The following PDE4D variants were observed in gnomAD, a reference collection of about 807,000 sequenced individuals.
PDE4D encodes the protein 3',5'-cyclic-AMP phosphodiesterase 4D.
In PDE4D, 24 loss-of-function variants were observed where a neutral mutation model predicts 87.4. The ratio of observed to expected loss-of-function variants is 0.27; its 90% CI spans 0.20 to 0.39. The LOEUF (loss-of-function observed/expected upper bound fraction) is 0.39, where lower values mean the gene tolerates loss of function less well. Among genes scored for constraint, PDE4D ranks in the 10% least tolerant of loss-of-function variants. PDE4D has a pLI of 1.00. For missense variants in PDE4D, 714 were observed against 1,041.0 expected (o/e 0.69, Z 4.32); for synonymous variants, 384 against 383.2 (o/e 1.00, Z -0.02).
chr5:60,340,163 GAT>G (rs371658542), intron 1 of PDE4D, among the ~76,000 whole-genome samples: 8,097 of 152,240 alleles, frequency 0.053, 266 homozygotes, highest in Non-Finnish European at 0.075. Flanking sequence ...CCCACGGCGC[GAT>G]GTTCAGGGAA....
intron 3 of PDE4D, among the ~76,000 whole-genome samples, chr5:59,935,899 T>C (rs2152793685): frequency 6.6e-6 from 1 of 152,362 alleles, no homozygotes; most frequent in Non-Finnish European, 1.5e-5. Context: ...CTATTGTGAA[T>C]AGTGCCACAA....
chr5:60,177,504 A>G (rs1382338016), intron 2 of PDE4D, among the ~76,000 whole-genome samples: 1 of 152,154 alleles, frequency 6.6e-6, no homozygotes, highest in East Asian at 1.9e-4. Context: ...TCTTAGAGGC[A>G]ATGAATGTCC....
Position 59,923,496 on chromosome 5 carries a change from G to C in PDE4D, c.272+64992C>G, listed in dbSNP as rs571647908. Among the ~76,000 whole-genome samples, 7 of 143,594 alleles carry C rather than the reference G, an allele frequency of 4.9e-5. No individual in the cohort carries two copies. The East Asian group carries it at 1.4e-3, about 28-fold the overall frequency. The allele number at this position is 143,594 out of a possible 152,430, so 94.2% of individuals were successfully genotyped here. On this transcript the variant is annotated intron_variant, in intron 3 of 16. Coordinates refer to the PDE4D transcript ENST00000502484. ...TAGTGTCACCCCTCCCCAAGCTCCA[G>C]GTAGCTCAAGACAGAGAGAGAGACA...
intron 1 of PDE4D, among the ~76,000 whole-genome samples, chr5:60,383,991 A>G (rs1411954456): frequency 1.3e-5 from 2 of 152,190 alleles, no homozygotes; most frequent in African/African-American, 4.8e-5. Context: ...AACTCTACAG[A>G]CCAGATTCTT....
At chr5:59,792,027 AAGT>A (rs1765851642) in intron 1 of PDE4D, among the ~76,000 whole-genome samples, 1 of 152,254 alleles carries the variant, frequency 6.6e-6, no homozygotes, top group South Asian at 2.1e-4. Context: ...GAAACACAAT[AAGT>A]GAAAATAGAA....
chr5:60,237,624 G>A (rs749366142), intron 1 of PDE4D, among the ~76,000 whole-genome samples: 4 of 152,020 alleles, frequency 2.6e-5, no homozygotes, highest in Non-Finnish European at 5.9e-5. Context: ...TGGTGGCAAA[G>A]GAGTGTGGCT....
intron 3 of PDE4D, among the ~76,000 whole-genome samples, chr5:59,979,986 T>C (rs1447143605): frequency 6.6e-6 from 1 of 152,226 alleles, no homozygotes; most frequent in Non-Finnish European, 1.5e-5. Flanking sequence ...TTAATGAATT[T>C]CAACTGAAAA....
At chr5:59,702,503 G>A (rs749625253) in intron 1 of PDE4D, among the ~76,000 whole-genome samples, 1 of 152,036 alleles carries the variant, frequency 6.6e-6, no homozygotes, top group Non-Finnish European at 1.5e-5. Context: ...TCAGTGAGCC[G>A]TGATCATGCA....
At chr5:59,132,401 G>T (rs184038903) in intron 5 of PDE4D, among the ~76,000 whole-genome samples, 2 of 152,040 alleles carry the variant, frequency 1.3e-5, no homozygotes, top group East Asian at 3.9e-4. Flanking sequence ...AGTTATCAGC[G>T]TATGTCATGA....
At chr5:60,410,495 C>T (rs937411071) in intron 1 of PDE4D, among the ~76,000 whole-genome samples, 1 of 152,146 alleles carries the variant, frequency 6.6e-6, no homozygotes, top group Non-Finnish European at 1.5e-5. Context: ...TTTATTTTTC[C>T]TTCTAATCAG....
intron 1 of PDE4D, among the ~76,000 whole-genome samples, chr5:59,505,584 T>C: frequency 6.6e-6 from 1 of 152,212 alleles, no homozygotes; most frequent in East Asian, 1.9e-4. Context: ...ATCTACTATG[T>C]GCCAAGCACT....
chr5:60,263,879 T>C (rs1305155326), intron 1 of PDE4D, among the ~76,000 whole-genome samples: 2 of 151,338 alleles, frequency 1.3e-5, no homozygotes, highest in African/African-American at 4.9e-5. Flanking sequence ...TTAATACCAG[T>C]GACACTACAT....
At chr5:60,290,323 A>G (rs890377826) in intron 1 of PDE4D, among the ~76,000 whole-genome samples, 2 of 152,178 alleles carry the variant, frequency 1.3e-5, no homozygotes, top group African/African-American at 4.8e-5. Flanking sequence ...ATTGATTTAC[A>G]TTCTGAAGAT....
At chr5:59,747,032 T>A (rs773524495) in intron 1 of PDE4D, among the ~76,000 whole-genome samples, 1 of 152,158 alleles carries the variant, frequency 6.6e-6, no homozygotes, top group Non-Finnish European at 1.5e-5. Flanking sequence ...CTTACATAAC[T>A]CATAATTATC....
intron 2 of PDE4D, among the ~76,000 whole-genome samples, chr5:60,182,442 G>A (rs1414438117): frequency 6.6e-6 from 1 of 152,184 alleles, no homozygotes; most frequent in Non-Finnish European, 1.5e-5. Context: ...AGACCAGCCT[G>A]ACCAACATGG....
chr5:59,180,403 A>G (rs1741239412), intron 5 of PDE4D, 192 bp downstream of exon 5: 2 of 713,884 alleles, frequency 2.8e-6, no homozygotes, highest in Non-Finnish European at 5.1e-6. Flanking sequence ...AAAAACGTAA[A>G]TCGGTAAAAA....
chr5:59,893,185 C>A lies in PDE4D; in HGVS notation c.438G>T (p.Ser146=). 2 of 1,563,546 alleles carry A rather than the reference C, an allele frequency of 1.3e-6. No homozygotes were observed. The highest frequency in any genetic ancestry group is 1.2e-5 in the South Asian group (1 of 84,304). Residue 146 remains serine, a synonymous_variant, in exon 1 of 15, where the codon TCG becomes TCT. Transcript: ENST00000340635. ...LKKSRMSWPS[S]FQGLRRFDVD... is the part of the protein sequence containing the mutation. ...CCACTCACCGCCTGAGTCCCTGGAA[C>A]GAGGAGGGCCAGGACATCCTGGATT...
intron 6 of PDE4D, among the ~76,000 whole-genome samples, chr5:59,037,038 C>A (rs537643800): frequency 6.6e-6 from 1 of 151,944 alleles, no homozygotes; most frequent in Non-Finnish European, 1.5e-5. Context: ...TATCTGGTGC[C>A]TTTAAAAGAA....
intron 5 of PDE4D, among the ~76,000 whole-genome samples, chr5:59,146,285 T>C (rs978753941): frequency 1.3e-5 from 2 of 152,226 alleles, no homozygotes; most frequent in African/African-American, 4.8e-5. Context: ...ACCCTTCCTA[T>C]GTTTTTAAGA....
Sources: gnomAD v4.1 joint callset for allele counts (sites outside exome capture counted in the v4.1 genomes callset) on GRCh38, gnomAD v4.1.1 for gene constraint, MANE v1.5 for transcripts, NCBI Gene and HGNC (gene_info 2026-07-23, HGNC 2026-07-21) for gene names.